The following NUB1 variants were observed in gnomAD, a reference collection of about 807,000 sequenced individuals.
The protein encoded by NUB1 is negative regulator of ubiquitin like proteins 1.
NUB1 carries 41 observed loss-of-function variants against 77.1 expected under a neutral mutation model. The observed-to-expected ratio is 0.53, with a 90% CI of 0.41 to 0.69. The LOEUF (loss-of-function observed/expected upper bound fraction) is 0.69, where lower values mean the gene tolerates loss of function less well. Ranked by LOEUF, NUB1 falls within the 30% of genes least tolerant of loss-of-function variation. The pLI, the probability that NUB1 is intolerant of heterozygous loss-of-function variation, is 0.00. For missense variants in NUB1, 643 were observed against 743.8 expected (o/e 0.86, Z 1.58); for synonymous variants, 257 against 281.0 (o/e 0.91, Z 0.85).
intron 8 of NUB1, among the ~76,000 whole-genome samples, chr7:151,364,137 G>A (rs1260139858): frequency 1.3e-5 from 2 of 149,116 alleles, no homozygotes; most frequent in Non-Finnish European, 3.0e-5. Flanking sequence ...AGAAAGGTAA[G>A]CCTGGCCGGG....
Position 151,356,156 on chromosome 7 carries a change from G to T in NUB1, c.627G>T (p.Met209Ile), listed in dbSNP as rs1797054099. The T allele has an allele frequency of 6.2e-7, 1 of 1,613,886 alleles. No homozygotes were observed. The highest frequency in any genetic ancestry group is 8.5e-7 in the Non-Finnish European group (1 of 1,179,808). Residue 209 changes from methionine (M) to isoleucine (I), a missense_variant, in exon 7 of 15, where the codon ATG becomes ATT. Transcript: ENST00000568733. ...CAGAGACAGTGGTGGATCCAGAAAT[G>T]ACACCGTACTTAGACATAGCTAACC... ...RAAETVVDPE[M>I]TPYLDIANQT...
At chr7:151,358,367 G>T (rs567581556) in intron 7 of NUB1, among the ~76,000 whole-genome samples, 1 of 152,302 alleles carries the variant, frequency 6.6e-6, no homozygotes, top group South Asian at 2.1e-4. Context: ...TATCACAGGG[G>T]TTCCCACCCC....
intron 4 of NUB1, chr7:151,352,426 G>T (rs538899771): frequency 1.2e-4 from 33 of 266,404 alleles, no homozygotes; most frequent in South Asian, 5.0e-4. Flanking sequence ...GAGCTATCAT[G>T]ATTAAAGCCT....
rs188757314 is a variant in NUB1, at chr7:151,366,880, A to G, written c.801-59A>G. 2.1e-4 allele frequency: 301 copies of G among 1,409,252 alleles called. No homozygotes were observed. The African/African-American group carries it at 3.5e-3, about 16-fold the overall frequency. 87.3% of individuals were successfully genotyped at this position (1,409,252 alleles called of 1,614,324 possible). A position where few individuals can be genotyped will look rare whatever the true frequency, so the allele number is the denominator to read the frequency against. ...TCCAGTCATTCACAAAAAGGTTTCAAATGCTAAAAATGTTTCAAATGCTGC... is the reference window on the plus strand; with the variant it reads ...TCCAGTCATTCACAAAAAGGTTTCAGATGCTAAAAATGTTTCAAATGCTGC... On this transcript the variant is annotated intron_variant, in intron 8 of 14. Transcript: ENST00000568733.
rs10571761 is a variant in NUB1, at chr7:151,366,519, T to TAAAG, written c.801-397_801-394dup. Among the ~76,000 whole-genome samples, 280 of 150,806 alleles carry TAAAG rather than the reference T, an allele frequency of 1.9e-3. 1 individual carries two copies. The highest frequency in any genetic ancestry group is 9.5e-3 in the South Asian group (45 of 4,754). On this transcript the variant is annotated intron_variant, in intron 8 of 14. Coordinates refer to ENST00000568733, the MANE Select transcript of NUB1 (RefSeq NM_001243351.2). ...TGGTCTGGGTGGGATCAATGATTCTTAAAGAAAGAAAGAAAGAAAGAAAGA... is the reference window on the plus strand; with the variant it reads ...TGGTCTGGGTGGGATCAATGATTCTTAAAGAAAGAAAGAAAGAAAGAAAGAAAGA...
intron 11 of NUB1, chr7:151,369,256 C>T (rs1476098495): frequency 6.4e-6 from 1 of 155,802 alleles, no homozygotes; most frequent in Non-Finnish European, 1.4e-5. Context: ...GATGCGCCCA[C>T]CTCAGTTTCC....
In NUB1 at chr7:151,375,939, A is replaced by G; in HGVS notation, c.1487A>G (p.Asp496Gly). The G allele has an allele frequency of 6.2e-7, 1 of 1,607,108 alleles. No homozygotes were observed. The highest frequency in any genetic ancestry group is 2.2e-5 in the East Asian group (1 of 44,832). Residue 496 changes from aspartate to glycine, a missense_variant, in exon 13 of 15, where the codon GAC (aspartate) becomes GGC (glycine). Physicochemically the swap from Asp to Gly is moderately conservative, Grantham distance 94. Coordinates refer to ENST00000568733, the MANE Select transcript of NUB1 (RefSeq NM_001243351.2). ...RQESPSQENIDRLVYMGFDAL... is the reference protein window; with the variant it reads ...RQESPSQENIGRLVYMGFDAL... ...GAAAGTCCTTCCCAGGAAAACATTGACCGAGTGAGTGACAGGCCTTTGTGC... is the reference window on the plus strand; with the variant it reads ...GAAAGTCCTTCCCAGGAAAACATTGGCCGAGTGAGTGACAGGCCTTTGTGC...
chr7:151,374,186 G>C lies in NUB1; in HGVS notation c.1338G>C (p.Thr446=). 3 of 1,574,080 alleles carry C rather than the reference G, an allele frequency of 1.9e-6. No homozygotes were observed. The highest frequency in any genetic ancestry group is 1.7e-6 in the Non-Finnish European group (2 of 1,160,258). ...TTCTGAAAGGGATGGGCTACTCCACGCACGCGGCCCAGCAGGTACTCCACG... is the reference window on the plus strand; with the variant it reads ...TTCTGAAAGGGATGGGCTACTCCACCCACGCGGCCCAGCAGGTACTCCACG... ...IRFLKGMGYS[T]HAAQQVLHAA... Residue 446 remains threonine, a synonymous_variant, in exon 12 of 15, where the codon ACG becomes ACC. Transcript: ENST00000568733.
chr7:151,374,614 T>C (rs1289229128), intron 12 of NUB1: 1 of 293,024 alleles, frequency 3.4e-6, no homozygotes, highest in East Asian at 7.2e-5. Flanking sequence ...GCATTAAAAT[T>C]TTAAATGTAA....
At chr7:151,370,813 G>C (rs1202490404) in intron 11 of NUB1, among the ~76,000 whole-genome samples, 1 of 151,530 alleles carries the variant, frequency 6.6e-6, no homozygotes, top group Non-Finnish European at 1.5e-5. Flanking sequence ...TTGTTCTTGC[G>C]ATAGTTTACT....
chr7:151,349,306 T>C (rs1796677676), intron 3 of NUB1, 66 bp downstream of exon 3: 1 of 1,326,358 alleles, frequency 7.5e-7, no homozygotes, highest in Non-Finnish European at 1.1e-6. Flanking sequence ...AAATAAATTG[T>C]TGTTGTTTGG....
chr7:151,377,345 G>T lies in NUB1; in HGVS notation c.*120G>T. On this transcript the variant is annotated 3_prime_UTR_variant, in exon 15 of 15. Coordinates refer to ENST00000568733, the MANE Select transcript of NUB1 (RefSeq NM_001243351.2). ...TTACAAGTCCTCTTTGGGTGTAGGA[G>T]GGGGTGGGCAGGGGACAAGTCCAGG... The T allele has an allele frequency of 2.9e-6, 2 of 681,980 alleles. No individual in the cohort carries two copies. Among genetic ancestry groups the T allele is most frequent in the Non-Finnish European group, 4.7e-6 (2 of 429,798 alleles). The allele number at this position is 681,980 out of a possible 1,614,324, so 42.2% of individuals were successfully genotyped here.
intron 12 of NUB1, chr7:151,374,771 C>T (rs1007085149): frequency 3.6e-5 from 6 of 168,832 alleles, no homozygotes; most frequent in Admixed American, 2.3e-4. Flanking sequence ...AGAAGCATAT[C>T]GAATCCTCAG....
At chr7:151,356,458 T>G (rs17633293) in intron 7 of NUB1, among the ~76,000 whole-genome samples, 5,645 of 152,294 alleles carry the variant, frequency 0.037, 135 homozygotes, top group Admixed American at 0.065. Context: ...AGCAGTGACT[T>G]TCAACATACC....
intron 8 of NUB1, among the ~76,000 whole-genome samples, chr7:151,362,856 G>A (rs1280197127): frequency 6.6e-6 from 1 of 152,232 alleles, no homozygotes; most frequent in Non-Finnish European, 1.5e-5. Flanking sequence ...ATAATCCTCC[G>A]AGTTCATAGA....
chr7:151,342,036 C>A, intron 1 of NUB1, 190 bp downstream of exon 1: 1 of 1,095,856 alleles, frequency 9.1e-7, no homozygotes, highest in Non-Finnish European at 1.2e-6. Flanking sequence ...GGCTTCGGGA[C>A]GCGCTGGCCG....
rs1038663125 is a variant in NUB1, at chr7:151,345,484, C to T, written c.117+18C>T. The T allele has an allele frequency of 1.1e-5, 13 of 1,220,542 alleles. 1 individual carries two copies. The Middle Eastern group carries it at 6.4e-4, about 60-fold the overall frequency. 75.6% of individuals were successfully genotyped at this position (1,220,542 alleles called of 1,614,324 possible). The stretch of plus-strand genomic sequence containing the variant: ...CATTAAAGGTATTTTTCTTTTAAGA[C>T]ATCAATAATTAGCAGCATTATAAAT... On this transcript the variant is annotated intron_variant, in intron 2 of 14. Coordinates refer to ENST00000568733, the MANE Select transcript of NUB1 (RefSeq NM_001243351.2).
rs1338697040 is a variant in NUB1 at position 151,355,855 on chromosome 7, A to G, written c.503A>G (p.Asn168Ser). 5 of 1,613,304 alleles carry G rather than the reference A, an allele frequency of 3.1e-6. No individual in the cohort carries two copies. Among genetic ancestry groups the G allele is most frequent in the Non-Finnish European group, 4.2e-6 (5 of 1,179,674 alleles). ...CAATCTGAAGAGGACGCGAGGAAAA[A>G]CTTCCAGTTAGAGGAAGAGGAGCAA... Reference protein sequence around the residue: ...LKQSEEDARKNFQLEEEEQNE... With the variant: ...LKQSEEDARKSFQLEEEEQNE... The change falls in exon 6 of 15, where the codon AAC becomes AGC. Residue 168 changes from asparagine (N) to serine (S), a missense_variant. Transcript: ENST00000568733.
intron 6 of NUB1, 77 bp downstream of exon 6, chr7:151,356,027 C>A: frequency 6.4e-7 from 1 of 1,555,488 alleles, no homozygotes; most frequent in Non-Finnish European, 8.9e-7. Flanking sequence ...GGGATCATGG[C>A]TCTCACTGAG....
Sources: allele counts gnomAD v4.1 joint callset (sites outside exome capture counted in the v4.1 genomes callset), GRCh38; gene constraint gnomAD v4.1.1; transcripts MANE v1.5; gene names NCBI Gene and HGNC (gene_info 2026-07-23, HGNC 2026-07-21).